CRACD: variants seen among roughly 807,000 people sequenced by gnomAD.
The protein encoded by CRACD is capping protein inhibiting regulator of actin dynamics.
Under a neutral mutation model 106.8 loss-of-function variants are expected in CRACD, and 56 were observed. That is an observed-to-expected ratio of 0.52 (90% CI 0.42 to 0.66). The LOEUF (loss-of-function observed/expected upper bound fraction) is 0.66, where lower values mean the gene tolerates loss of function less well. Among genes scored for constraint, CRACD ranks in the 30% least tolerant of loss-of-function variants. The probability of loss-of-function intolerance (pLI) is 0.00; values close to 1 mark genes in which losing one functional copy is unlikely to be tolerated. For missense variants in CRACD, 1,730 were observed against 1,623.2 expected, an observed-to-expected ratio of 1.07 and a Z score of -1.13; for synonymous variants, 754 against 670.8, an observed-to-expected ratio of 1.12 and a Z score of -1.92.
chr4:56,227,601 A>T (rs1002797489), intron 2 of CRACD, among the ~76,000 whole-genome samples: 2 of 152,234 alleles, frequency 1.3e-5, no homozygotes, highest in Admixed American at 1.3e-4. Context: ...TAAATATTTT[A>T]GGCTTTACGG....
chr4:56,226,057 A>T (rs1560491398), intron 2 of CRACD, among the ~76,000 whole-genome samples: 2 of 152,246 alleles, frequency 1.3e-5, no homozygotes, highest in Admixed American at 6.5e-5. Context: ...TTGGGCCTGA[A>T]TGAGCAAAAT....
At chr4:56,078,576 T>C (rs1024248071) in intron 1 of CRACD, among the ~76,000 whole-genome samples, 36 of 152,248 alleles carry the variant, frequency 2.4e-4, no homozygotes, top group Non-Finnish European at 4.4e-5. Context: ...CTGACTGATT[T>C]TTTTAAATTC....
At chr4:56,265,808 C>G (rs935972555) in intron 2 of CRACD, among the ~76,000 whole-genome samples, 1 of 152,134 alleles carries the variant, frequency 6.6e-6, no homozygotes. Context: ...ACTATCATAG[C>G]ACATTTCTGT....
At chr4:56,210,775 G>A (rs1738363158) in intron 2 of CRACD, among the ~76,000 whole-genome samples, 2 of 152,178 alleles carry the variant, frequency 1.3e-5, no homozygotes, top group Admixed American at 6.5e-5. Context: ...TGAGTTAAAG[G>A]TGTATTTGAG....
At chr4:56,084,342 A>G (rs1388528249) in intron 1 of CRACD, among the ~76,000 whole-genome samples, 1 of 151,712 alleles carries the variant, frequency 6.6e-6, no homozygotes, top group African/African-American at 2.4e-5. Flanking sequence ...TCTTATATGG[A>G]TTTTCCTTAA....
intron 2 of CRACD, among the ~76,000 whole-genome samples, chr4:56,212,341 G>A (rs1451822561): frequency 6.6e-6 from 1 of 152,142 alleles, no homozygotes; most frequent in East Asian, 1.9e-4. Flanking sequence ...CATGAATAAT[G>A]TACCCATTGG....
chr4:56,262,939 T>C, intron 2 of CRACD, among the ~76,000 whole-genome samples: 1 of 152,180 alleles, frequency 6.6e-6, no homozygotes, highest in African/African-American at 2.4e-5. Context: ...AAAACACAGC[T>C]GGCCCTAAGG....
chr4:56,066,204 C>CCT, intron 1 of CRACD, among the ~76,000 whole-genome samples: 1 of 152,314 alleles, frequency 6.6e-6, no homozygotes, highest in African/African-American at 2.4e-5. Flanking sequence ...GATGCTGTGG[C>CCT]TCTCCGTAAC....
At chr4:56,203,167 A>G (rs1737962109) in intron 2 of CRACD, among the ~76,000 whole-genome samples, 1 of 152,228 alleles carries the variant, frequency 6.6e-6, no homozygotes, top group South Asian at 2.1e-4. Flanking sequence ...AAGACAGTAG[A>G]CATGTCTGTA....
chr4:56,232,737 T>TTTAC, intron 2 of CRACD, among the ~76,000 whole-genome samples: 1 of 151,346 alleles, frequency 6.6e-6, no homozygotes, highest in African/African-American at 2.4e-5. Flanking sequence ...TATTTATTTA[T>TTTAC]TTTTTGAGAT....
intron 3 of CRACD, among the ~76,000 whole-genome samples, chr4:56,284,097 T>G (rs1203437501): frequency 6.6e-6 from 1 of 151,954 alleles, no homozygotes; most frequent in Non-Finnish European, 1.5e-5. Context: ...CATTGTGATC[T>G]CTCTACAGAA....
At chr4:56,152,381 C>G (rs1435058134) in intron 1 of CRACD, among the ~76,000 whole-genome samples, 1 of 151,600 alleles carries the variant, frequency 6.6e-6, no homozygotes. Flanking sequence ...CTCCTGAAAT[C>G]CTAGCACTTT....
intron 2 of CRACD, among the ~76,000 whole-genome samples, chr4:56,186,862 C>T (rs532865303): frequency 7.0e-4 from 106 of 152,266 alleles, no homozygotes; most frequent in Non-Finnish European, 1.4e-3. Flanking sequence ...AGGAGTTCAA[C>T]ACTAGCCTGA....
At chr4:56,274,164 C>T (rs759991175) in intron 3 of CRACD, among the ~76,000 whole-genome samples, 26 of 152,240 alleles carry the variant, frequency 1.7e-4, no homozygotes, top group Non-Finnish European at 1.9e-4. Context: ...TGCTAACTCA[C>T]TCAGCTGTTG....
intron 3 of CRACD, among the ~76,000 whole-genome samples, chr4:56,272,714 A>T (rs976316577): frequency 3.3e-5 from 5 of 152,156 alleles, no homozygotes; most frequent in African/African-American, 1.2e-4. Flanking sequence ...GACATGGGGA[A>T]ACCCCGTTTC....
intron 1 of CRACD, among the ~76,000 whole-genome samples, chr4:56,062,662 T>C (rs1175971673): frequency 6.6e-6 from 1 of 152,198 alleles, no homozygotes; most frequent in African/African-American, 2.4e-5. Flanking sequence ...TAAGATCTGA[T>C]CTCTGACCTT....
At chr4:56,104,795 G>A (rs1733889932) in intron 1 of CRACD, among the ~76,000 whole-genome samples, 1 of 151,862 alleles carries the variant, frequency 6.6e-6, no homozygotes, top group Non-Finnish European at 1.5e-5. Context: ...GTGAAACTCT[G>A]TCTCTACTAA....
At chr4:56,163,799 G>GC (rs950721590) in intron 1 of CRACD, among the ~76,000 whole-genome samples, 9 of 151,880 alleles carry the variant, frequency 5.9e-5, no homozygotes, top group African/African-American at 2.2e-4. Context: ...AAACTGCAGT[G>GC]CCATGGCACA....
intron 2 of CRACD, among the ~76,000 whole-genome samples, chr4:56,232,417 G>C (rs1739677676): frequency 6.6e-6 from 1 of 152,044 alleles, no homozygotes; most frequent in Non-Finnish European, 1.5e-5. Flanking sequence ...TATTTGGATT[G>C]TTTCCTATGT....
Sources: gnomAD v4.1 joint callset for allele counts (sites outside exome capture counted in the v4.1 genomes callset) on GRCh38, gnomAD v4.1.1 for gene constraint, MANE v1.5 for transcripts, NCBI Gene and HGNC (gene_info 2026-07-23, HGNC 2026-07-21) for gene names.